CTNNA3: variants seen among roughly 807,000 people sequenced by gnomAD.
CTNNA3 encodes the protein catenin alpha-3.
CTNNA3 carries 76 observed loss-of-function variants against 95.7 expected under a neutral mutation model. That is an observed-to-expected ratio of 0.79 (90% CI 0.66 to 0.96). The LOEUF is 0.96. Among genes scored for constraint, CTNNA3 ranks in the 40% least tolerant of loss-of-function variants. The pLI, the probability that CTNNA3 is intolerant of heterozygous loss-of-function variation, is 0.00. For synonymous variants in CTNNA3, 431 were observed against 374.4 expected (o/e 1.15, Z -1.74); for missense variants, 1,191 against 1,089.8 (o/e 1.09, Z -1.31).
intron 7 of CTNNA3, among the ~76,000 whole-genome samples, chr10:66,960,841 C>G (rs1849069521): frequency 6.6e-6 from 1 of 152,086 alleles, no homozygotes; most frequent in Non-Finnish European, 1.5e-5. Flanking sequence ...GGAATAGTGA[C>G]AGTGTTGATA....
intron 5 of CTNNA3, among the ~76,000 whole-genome samples, chr10:67,271,554 C>T (rs919106048): frequency 2.0e-5 from 3 of 152,102 alleles, no homozygotes; most frequent in Non-Finnish European, 4.4e-5. Context: ...AATGTGAGAA[C>T]GGACTAATAC....
chr10:67,680,919 T>C (rs1301778186), intron 1 of CTNNA3, among the ~76,000 whole-genome samples: 1 of 152,072 alleles, frequency 6.6e-6, no homozygotes, highest in Non-Finnish European at 1.5e-5. Context: ...AAAATACAAA[T>C]GTGGACCCAA....
intron 10 of CTNNA3, among the ~76,000 whole-genome samples, chr10:66,549,175 T>C (rs191260185): frequency 2.6e-4 from 40 of 152,048 alleles, no homozygotes; most frequent in African/African-American, 8.7e-4. Context: ...TTGTATTTTT[T>C]AGTAGAGATA....
upstream of CTNNA3, among the ~76,000 whole-genome samples, chr10:67,697,118 G>T (rs999141172): frequency 6.6e-6 from 1 of 152,170 alleles, no homozygotes; most frequent in African/African-American, 2.4e-5. Context: ...AACTATGAAA[G>T]GAGTTCATTT....
At chr10:66,412,152 G>A (rs953979371) in intron 11 of CTNNA3, among the ~76,000 whole-genome samples, 1 of 152,068 alleles carries the variant, frequency 6.6e-6, no homozygotes, top group African/African-American at 2.4e-5. Flanking sequence ...ACATGCATTC[G>A]ATATTCCAGC....
intron 10 of CTNNA3, among the ~76,000 whole-genome samples, chr10:66,570,519 C>A (rs1004160578): frequency 1.3e-5 from 2 of 151,900 alleles, no homozygotes; most frequent in Non-Finnish European, 2.9e-5. Context: ...GATCTCTTGA[C>A]CTCGTGATCC....
chr10:65,932,805 C>T (rs1205070702), intron 17 of CTNNA3, among the ~76,000 whole-genome samples: 1 of 151,952 alleles, frequency 6.6e-6, no homozygotes, highest in Non-Finnish European at 1.5e-5. Context: ...TTTAAAAATC[C>T]TTCATCATTG....
At chr10:66,284,834 T>C (rs2091557333) in intron 12 of CTNNA3, among the ~76,000 whole-genome samples, 1 of 151,950 alleles carries the variant, frequency 6.6e-6, no homozygotes, top group African/African-American at 2.4e-5. Context: ...TCATCATTTC[T>C]TTAGGTTATG....
chr10:66,309,426 C>T (rs1199673334), intron 12 of CTNNA3, among the ~76,000 whole-genome samples: 1 of 152,016 alleles, frequency 6.6e-6, no homozygotes, highest in African/African-American at 2.4e-5. Context: ...GGTGCAGTGG[C>T]TCACGCCTGT....
At chr10:66,046,140 G>T (rs750223925) in intron 15 of CTNNA3, among the ~76,000 whole-genome samples, 2 of 151,966 alleles carry the variant, frequency 1.3e-5, no homozygotes, top group Non-Finnish European at 2.9e-5. Flanking sequence ...CAGGACAACT[G>T]CCCACCTGGG....
chr10:66,752,461 C>T (rs1350538044), intron 9 of CTNNA3, among the ~76,000 whole-genome samples: 2 of 151,982 alleles, frequency 1.3e-5, no homozygotes, highest in Non-Finnish European at 2.9e-5. Flanking sequence ...TAATGCAAAC[C>T]CTAAAATTAT....
At chr10:66,180,867 T>G (rs1247655882) in intron 13 of CTNNA3, among the ~76,000 whole-genome samples, 2 of 152,150 alleles carry the variant, frequency 1.3e-5, no homozygotes, top group Non-Finnish European at 2.9e-5. Context: ...TGTAATTCAT[T>G]ACTTGAAGAA....
chr10:66,396,142 ATT>A (rs1703367056), intron 11 of CTNNA3, among the ~76,000 whole-genome samples: 1 of 152,044 alleles, frequency 6.6e-6, no homozygotes, highest in South Asian at 2.1e-4. Flanking sequence ...GCTGCATAGT[ATT>A]CCATGCATAT....
At chr10:66,265,004 T>G (rs929917135) in intron 13 of CTNNA3, among the ~76,000 whole-genome samples, 4 of 152,056 alleles carry the variant, frequency 2.6e-5, no homozygotes, top group Non-Finnish European at 5.9e-5. Context: ...TCAAGACTAG[T>G]AAGCTCATTA....
At chr10:66,469,808 A>C (rs1057397396) in intron 11 of CTNNA3, among the ~76,000 whole-genome samples, 8 of 151,880 alleles carry the variant, frequency 5.3e-5, no homozygotes, top group Non-Finnish European at 4.4e-5. Context: ...AGAATCAATA[A>C]AATCTGGAGA....
intron 7 of CTNNA3, among the ~76,000 whole-genome samples, chr10:66,942,126 A>G (rs566640232): frequency 1.9e-4 from 29 of 152,140 alleles, no homozygotes; most frequent in Non-Finnish European, 4.0e-4. Flanking sequence ...TTGAGATAAC[A>G]TATGTTTGCA....
chr10:67,757,854 T>C (rs748269963), intron 1 of CTNNA3, among the ~76,000 whole-genome samples: 6 of 152,180 alleles, frequency 3.9e-5, no homozygotes. Flanking sequence ...CTTTAATATA[T>C]ACGTCTATCC....
At chr10:67,577,554 G>T (rs1290292491) in intron 3 of CTNNA3, among the ~76,000 whole-genome samples, 1 of 151,810 alleles carries the variant, frequency 6.6e-6, no homozygotes, top group Non-Finnish European at 1.5e-5. Flanking sequence ...GTCAATTTTG[G>T]CTTTTGTTGC....
intron 4 of CTNNA3, among the ~76,000 whole-genome samples, chr10:67,529,763 T>C (rs1840267460): frequency 6.6e-6 from 1 of 152,232 alleles, no homozygotes. Context: ...CCAGCAAGTA[T>C]GCCCTATTTG....
Sources: gnomAD v4.1 joint callset for allele counts (sites outside exome capture counted in the v4.1 genomes callset) on GRCh38, gnomAD v4.1.1 for gene constraint, MANE v1.5 for transcripts, NCBI Gene and HGNC (gene_info 2026-07-23, HGNC 2026-07-21) for gene names.